DDX3X: variants seen among roughly 807,000 people sequenced by gnomAD.
The protein encoded by DDX3X is DEAD-box helicase 3 X-linked.
Under a neutral mutation model 52.7 loss-of-function variants are expected in DDX3X, and 4 were observed. That is an observed-to-expected ratio of 0.08 (90% CI 0.04 to 0.17). The LOEUF is 0.17. DDX3X is among the 10% of genes least tolerant of loss of function. The probability of loss-of-function intolerance (pLI) is 1.00; values close to 1 mark genes in which losing one functional copy is unlikely to be tolerated. For synonymous variants in DDX3X, 192 were observed against 178.1 expected (o/e 1.08, Z -0.62); for missense variants, 222 against 548.6 (o/e 0.40, Z 5.95).
At chrX:41,352,421 C>G (rs1202709678), downstream of DDX3X, among the ~76,000 whole-genome samples, 2 of 111,517 alleles carry the variant, frequency 1.8e-5, no homozygotes, top group Non-Finnish European at 3.8e-5. Flanking sequence ...TCCACTCATT[C>G]TATTCCCAAC....
Position 41,345,430 on chromosome X carries a change from A to G in DDX3X, c.1197A>G (p.Glu399=), listed in dbSNP as rs2063910682. Residue 399 remains glutamate (E), a synonymous_variant, in exon 12 of 17, where the codon GAA becomes GAG. Coordinates refer to ENST00000644876, the MANE Select transcript of DDX3X (RefSeq NM_001356.5). ...IQMLARDFLD[E]YIFLAVGRVG... The stretch of plus-strand genomic sequence containing the variant: ...TGCTGGCTCGTGATTTCTTAGATGA[A>G]TATATCTTCTTGGCTGTAGGAAGAG... 8.3e-7 allele frequency: 1 copy of G among 1,206,667 alleles called. No individual in the cohort carries two copies. Among genetic ancestry groups the G allele is most frequent in the Non-Finnish European group, 1.1e-6 (1 of 894,158 alleles).
chrX:41,346,805 C>G, intron 14 of DDX3X, 54 bp from the exon 15 acceptor site: 1 of 1,077,033 alleles, frequency 9.3e-7, no homozygotes, highest in East Asian at 3.0e-5. Flanking sequence ...AGAATAGTAG[C>G]AAGTTACTTT....
At chrX:41,351,670 C>G (rs1177909287), downstream of DDX3X, 2 of 111,370 alleles carry the variant, frequency 1.8e-5, no homozygotes, top group Non-Finnish European at 3.8e-5. Flanking sequence ...ATATTTAAAC[C>G]TGCTTTGCTT....
At chrX:41,335,832 A>G (rs1012251916) in intron 1 of DDX3X, 12 of 112,355 alleles carry the variant, frequency 1.1e-4, no homozygotes, top group Admixed American at 7.6e-4. Flanking sequence ...AGCAGCACAG[A>G]GTATTCCCAG....
intron 1 of DDX3X, 197 bp downstream of exon 1, chrX:41,334,494 G>A: frequency 9.1e-7 from 1 of 1,096,418 alleles, no homozygotes. Context: ...GTCTCGGCCC[G>A]CTGTATTGTC....
chrX:41,347,846 A>T lies in DDX3X; in HGVS notation c.*127A>T. ...TTACCAGCTGTGATTCTCCACTGAAATTTTTTTTTTAAGGGAGCTCAAGGT... is the reference window on the plus strand; with the variant it reads ...TTACCAGCTGTGATTCTCCACTGAATTTTTTTTTTTAAGGGAGCTCAAGGT... On this transcript the variant is annotated 3_prime_UTR_variant, in exon 17 of 17. Coordinates refer to ENST00000644876, the MANE Select transcript of DDX3X (RefSeq NM_001356.5). 2 of 428,285 alleles carry T rather than the reference A, an allele frequency of 4.7e-6. No homozygotes were observed. The highest frequency in any genetic ancestry group is 4.2e-5 in the East Asian group (1 of 23,559). The allele number at this position is 428,285 out of a possible 1,213,427, so 35.3% of individuals were successfully genotyped here. A position where few individuals can be genotyped will look rare whatever the true frequency, so the allele number is the denominator to read the frequency against.
Position 41,348,638 on chromosome X carries a change from T to C in DDX3X, c.*919T>C, listed in dbSNP as rs2063955945. 8.9e-6 allele frequency: 1 copy of C among 112,716 alleles called. No homozygotes were observed. Among genetic ancestry groups the C allele is most frequent in the Non-Finnish European group, 1.9e-5 (1 of 53,332 alleles). The allele number at this position is 112,716 out of a possible 1,213,427, so 9.3% of individuals were successfully genotyped here. Reference sequence around the variant, plus strand: ...AATGAAATTGAAATGGTAGAATGGCTGACCACAGCAATGACCAGCCCTCAT... The same window carrying C: ...AATGAAATTGAAATGGTAGAATGGCCGACCACAGCAATGACCAGCCCTCAT... On this transcript the variant is annotated 3_prime_UTR_variant, in exon 17 of 17. Transcript: ENST00000644876.
At chrX:41,334,478 G>C in intron 1 of DDX3X, 181 bp downstream of exon 1, 21 of 1,099,506 alleles carry the variant, frequency 1.9e-5, no homozygotes, top group Non-Finnish European at 2.3e-5. Flanking sequence ...CTGTCGCCCG[G>C]GCCCGGTCTC....
intron 1 of DDX3X, 21 bp downstream of exon 1, chrX:41,334,318 C>A (rs1009796988): frequency 8.3e-7 from 1 of 1,208,349 alleles, no homozygotes; most frequent in Non-Finnish European, 1.1e-6. Context: ...AGAACCCCAC[C>A]GGGCTGGCTG....
rs1173219095 is a variant in DDX3X, at chrX:41,334,616, T to G, written c.45+319T>G. On this transcript the variant is annotated intron_variant, in intron 1 of 16. Coordinates refer to ENST00000644876, the MANE Select transcript of DDX3X (RefSeq NM_001356.5). ...GCATGCGCGAATCCCGACTGATTAG[T>G]GACCTGGGGGGGTTTGCGGGAGTGC... The G allele has an allele frequency of 3.7e-6, 4 of 1,082,392 alleles. No individual in the cohort carries two copies. In the East Asian group the frequency reaches 1.6e-4, roughly 42 times the overall value. 89.2% of individuals were successfully genotyped at this position (1,082,392 alleles called of 1,213,427 possible).
chrX:41,345,613 G>A (rs2063913155), intron 12 of DDX3X, 65 bp downstream of exon 12: 3 of 956,057 alleles, frequency 3.1e-6, no homozygotes, highest in Admixed American at 2.6e-5. Context: ...AGGCTGGAGT[G>A]CAGGGGTTAT....
intron 10 of DDX3X, among the ~76,000 whole-genome samples, chrX:41,344,905 T>G (rs1271171592): frequency 8.9e-6 from 1 of 111,747 alleles, no homozygotes; most frequent in African/African-American, 3.3e-5. Flanking sequence ...GAAAAATCAG[T>G]AACATCTTGG....
downstream of DDX3X, among the ~76,000 whole-genome samples, chrX:41,355,033 C>T (rs1276851000): frequency 9.0e-5 from 10 of 111,038 alleles, no homozygotes; most frequent in Admixed American, 7.7e-4. Flanking sequence ...GTTGGCCAGG[C>T]TGGTCTCGAA....
chrX:41,347,488 GT>G (rs778452838), intron 16 of DDX3X, 37 bp downstream of exon 16: 29 of 1,193,415 alleles, frequency 2.4e-5, no homozygotes, highest in Non-Finnish European at 3.0e-5. Flanking sequence ...TTTGGGAAGG[GT>G]TTTTTTCCTT....
At chrX:41,350,463 A>G (rs2063975171), downstream of DDX3X, 1 of 112,191 alleles carries the variant, frequency 8.9e-6, no homozygotes, top group Non-Finnish European at 1.9e-5. Context: ...AGCATGTATT[A>G]GAAATTGGCT....
At chrX:41,358,845 G>A (rs745721656) in intron 5 of DDX3X, among the ~76,000 whole-genome samples, 2 of 111,358 alleles carry the variant, frequency 1.8e-5, no homozygotes, top group Admixed American at 9.6e-5. Context: ...TGCAACCTCC[G>A]CCTCCCGGGT....
rs201275092 is a variant in DDX3X at position 41,347,101 on chromosome X, CTG to C, written c.1769+91_1769+92del. The C allele has an allele frequency of 1.9e-3, 1,944 of 1,019,530 alleles. 23 individuals are homozygous for C. The African/African-American group carries it at 0.032, about 17-fold the overall frequency. The allele number at this position is 1,019,530 out of a possible 1,213,427, so 84.0% of individuals were successfully genotyped here. ...CTGCATGCATAACGTCCAAGGTTAA[CTG>C]TACAGTATTTAAAAAGCTTAATCAT... On this transcript the variant is annotated intron_variant, in intron 15 of 16. Transcript: ENST00000644876.
chrX:41,334,542 G>C, intron 1 of DDX3X: 1 of 1,094,196 alleles, frequency 9.1e-7, no homozygotes, highest in Non-Finnish European at 1.2e-6. Flanking sequence ...GTGTGTGCGT[G>C]CGCAGGCGGG....
intron 5 of DDX3X, among the ~76,000 whole-genome samples, chrX:41,357,016 C>CTGTACCT (rs1569245114): frequency 9.8e-6 from 1 of 101,952 alleles, no homozygotes; most frequent in Non-Finnish European, 2.0e-5. Context: ...TCACTGCAAC[C>CTGTACCT]TGTACCTCCT....
Sources: gnomAD v4.1 joint callset for allele counts (sites outside exome capture counted in the v4.1 genomes callset) on GRCh38, gnomAD v4.1.1 for gene constraint, MANE v1.5 for transcripts, NCBI Gene and HGNC (gene_info 2026-07-23, HGNC 2026-07-21) for gene names.